PHF21A: variants seen among roughly 807,000 people sequenced by gnomAD.
PHF21A encodes the protein PHD finger protein 21A, also known as BHC80a.
PHF21A carries 11 observed loss-of-function variants against 82.5 expected under a neutral mutation model. That is an observed-to-expected ratio of 0.13 (90% CI 0.08 to 0.22). The LOEUF is 0.22. Ranked by LOEUF, PHF21A falls within the 10% of genes least tolerant of loss-of-function variation. The pLI, the probability that PHF21A is intolerant of heterozygous loss-of-function variation, is 1.00. For missense variants in PHF21A, 579 were observed against 837.8 expected, an observed-to-expected ratio of 0.69 and a Z score of 3.81; for synonymous variants, 297 against 302.8, an observed-to-expected ratio of 0.98 and a Z score of 0.20.
intron 6 of PHF21A, among the ~76,000 whole-genome samples, chr11:46,008,418 C>G (rs192458973): frequency 4.5e-4 from 68 of 152,296 alleles, no homozygotes; most frequent in Non-Finnish European, 6.3e-4. Flanking sequence ...TCCTCTCTTG[C>G]TTTCCTGAAG....
chr11:46,094,062 A>G (rs1436916892), intron 1 of PHF21A, among the ~76,000 whole-genome samples: 3 of 152,238 alleles, frequency 2.0e-5, no homozygotes, highest in Non-Finnish European at 2.9e-5. Flanking sequence ...TAATCAACAC[A>G]GGCTTATACC....
intron 6 of PHF21A, among the ~76,000 whole-genome samples, chr11:46,014,422 C>G (rs148103160): frequency 3.3e-5 from 5 of 152,246 alleles, no homozygotes; most frequent in African/African-American, 1.2e-4. Flanking sequence ...TTGATGGACA[C>G]CTAGGTTGAT....
At chr11:46,078,593 T>C (rs565726962) in intron 5 of PHF21A, among the ~76,000 whole-genome samples, 1 of 152,324 alleles carries the variant, frequency 6.6e-6, no homozygotes, top group African/African-American at 2.4e-5. Flanking sequence ...TTAATTTTTC[T>C]GTTAGAAAGT....
intron 6 of PHF21A, among the ~76,000 whole-genome samples, chr11:45,981,934 G>GTT: frequency 1.1e-5 from 1 of 88,012 alleles, no homozygotes; most frequent in East Asian, 3.4e-4. Context: ...CTCTCTTTTT[G>GTT]TTTTTCTTTT....
rs192845304 is a variant in PHF21A, at chr11:46,019,185, T to C, written c.154-39219A>G. ...GTTATTGGTTTTTCGCTTTATCTTC[T>C]CTAAAGAGGAAAAGAAGAAACTGCT... On this transcript the variant is annotated intron_variant, in intron 6 of 18. Coordinates refer to ENST00000676320, the MANE Select transcript of PHF21A (RefSeq NM_001352027.3). 2.6e-5 allele frequency among the ~76,000 whole-genome samples: 4 copies of C among 152,218 alleles called. No individual in the cohort carries two copies. In the East Asian group the frequency reaches 5.8e-4, roughly 22 times the overall value.
chr11:46,077,880 T>A (rs2135032411), intron 5 of PHF21A, among the ~76,000 whole-genome samples: 1 of 152,332 alleles, frequency 6.6e-6, no homozygotes, highest in South Asian at 2.1e-4. Context: ...ATCTAAAGTC[T>A]ACCACCTCTT....
chr11:45,966,861 C>T (rs1371162049), intron 9 of PHF21A, among the ~76,000 whole-genome samples: 1 of 152,110 alleles, frequency 6.6e-6, no homozygotes, highest in African/African-American at 2.4e-5. Flanking sequence ...TCGGGATCCA[C>T]CCGCCTTGGC....
chr11:46,079,598 T>C (rs1328205316), intron 4 of PHF21A, among the ~76,000 whole-genome samples: 1 of 152,194 alleles, frequency 6.6e-6, no homozygotes, highest in Non-Finnish European at 1.5e-5. Flanking sequence ...TTGGTTTGTT[T>C]CTTACCACAG....
At chr11:46,045,959 A>G (rs1565711467) in intron 6 of PHF21A, among the ~76,000 whole-genome samples, 1 of 152,236 alleles carries the variant, frequency 6.6e-6, no homozygotes, top group Non-Finnish European at 1.5e-5. Flanking sequence ...TTACAGAGAT[A>G]AAGTACCGTA....
rs1407231996 is a variant in PHF21A, at chr11:46,037,556, G to A, written c.153+39198C>T. ...CTTGGGAGGCTGAGGCAGGACAATCGCTTGAATCCGGGAGCCGCCTCTGTT... is the reference window on the plus strand; with the variant it reads ...CTTGGGAGGCTGAGGCAGGACAATCACTTGAATCCGGGAGCCGCCTCTGTT... On this transcript the variant is annotated intron_variant, in intron 6 of 18. Coordinates refer to ENST00000676320, the MANE Select transcript of PHF21A (RefSeq NM_001352027.3). 3.3e-5 allele frequency among the ~76,000 whole-genome samples: 5 copies of A among 150,478 alleles called. No individual in the cohort carries two copies. The East Asian group carries it at 9.8e-4, about 30-fold the overall frequency.
chr11:45,976,600 G>T (rs533098907), intron 7 of PHF21A, among the ~76,000 whole-genome samples: 39 of 152,290 alleles, frequency 2.6e-4, no homozygotes, highest in African/African-American at 8.9e-4. Context: ...CCAACACTGT[G>T]GGAGACCGAG....
intron 6 of PHF21A, chr11:46,049,572 G>C: frequency 2.3e-6 from 1 of 444,052 alleles, no homozygotes; most frequent in South Asian, 1.6e-5. Context: ...ATAGAAAGAG[G>C]ATAGGAGAAA....
intron 6 of PHF21A, among the ~76,000 whole-genome samples, chr11:46,057,709 C>A (rs1479173408): frequency 9.9e-5 from 15 of 152,124 alleles, no homozygotes; most frequent in Non-Finnish European, 1.6e-4. Context: ...CTTACCCTAG[C>A]TCACTTGAAG....
chr11:46,109,189 G>C (rs1046750671), intron 1 of PHF21A, among the ~76,000 whole-genome samples: 9 of 152,158 alleles, frequency 5.9e-5, no homozygotes, highest in African/African-American at 2.2e-4. Context: ...CTTGAATCCA[G>C]GTTGTATCAT....
At chr11:46,060,709 T>C (rs1287586544) in intron 6 of PHF21A, among the ~76,000 whole-genome samples, 2 of 152,246 alleles carry the variant, frequency 1.3e-5, no homozygotes, top group Non-Finnish European at 2.9e-5. Flanking sequence ...ATATAGATGC[T>C]GGATATTAGA....
chr11:45,962,672 G>A (rs556606093), intron 10 of PHF21A, among the ~76,000 whole-genome samples: 103,492 of 119,504 alleles, frequency 0.87, 45,277 homozygotes, highest in East Asian at 0.99. Context: ...CAGGTGGGTC[G>A]CCTGAGGTCA....
rs141266857 is a variant in PHF21A, at chr11:45,968,496, T to C, written c.702+1319A>G. On this transcript the variant is annotated intron_variant, in intron 9 of 18. Coordinates refer to ENST00000676320, the MANE Select transcript of PHF21A (RefSeq NM_001352027.3). ...CACATTTCTCCACCCTGGAACTACA[T>C]ACATGTTCTGTCCTCTGCCTGGGAC... Among the ~76,000 whole-genome samples the C allele has an allele frequency of 1.7e-3, 256 of 152,336 alleles. 3 individuals are homozygous for C. Among genetic ancestry groups the C allele is most frequent in the African/African-American group, 5.8e-3 (240 of 41,580 alleles).
chr11:45,963,444 GA>G (rs1170655368), intron 10 of PHF21A, among the ~76,000 whole-genome samples: 17 of 140,776 alleles, frequency 1.2e-4, no homozygotes, highest in South Asian at 1.1e-3. Context: ...AAAAAGAAAA[GA>G]AAAAAAAATC....
intron 15 of PHF21A, among the ~76,000 whole-genome samples, chr11:45,939,579 C>T (rs930320553): frequency 2.0e-5 from 3 of 152,018 alleles, no homozygotes; most frequent in Non-Finnish European, 4.4e-5. Flanking sequence ...TTCTGGGAGG[C>T]TTTATCCCTA....
Sources: gnomAD v4.1 joint callset for allele counts (sites outside exome capture counted in the v4.1 genomes callset) on GRCh38, gnomAD v4.1.1 for gene constraint, MANE v1.5 for transcripts, NCBI Gene and HGNC (gene_info 2026-07-23, HGNC 2026-07-21) for gene names.